The following TMEM232 variants were observed in gnomAD, a reference collection of about 807,000 sequenced individuals.
TMEM232 encodes the protein transmembrane protein 232.
A neutral mutation model predicts 78.8 loss-of-function variants in TMEM232; 80 were observed. That is an observed-to-expected ratio of 1.01 (90% CI 0.85 to 1.22). The LOEUF is 1.22. Ranked by LOEUF, TMEM232 falls within the 50% of genes most tolerant of loss-of-function variation. The pLI is 0.00. For synonymous variants in TMEM232, 297 were observed against 254.3 expected (o/e 1.17, Z -1.60); for missense variants, 881 against 742.2 (o/e 1.19, Z -2.17).
chr5:110,440,714 A>G (rs553678963), intron 12 of TMEM232, among the ~76,000 whole-genome samples: 3 of 152,282 alleles, frequency 2.0e-5, no homozygotes, highest in East Asian at 3.9e-4. Context: ...TTATAATTCT[A>G]TAGTGGATGT....
chr5:110,484,973 A>G (rs1201677784), intron 12 of TMEM232, among the ~76,000 whole-genome samples: 1 of 152,130 alleles, frequency 6.6e-6, no homozygotes, highest in Non-Finnish European at 1.5e-5. Context: ...TAAAAAAAAA[A>G]TTGAAAAACA....
chr5:110,420,812 G>A (rs1430223649), intron 13 of TMEM232, 56 bp from the exon 14 acceptor site: 2 of 1,468,086 alleles, frequency 1.4e-6, no homozygotes, highest in Non-Finnish European at 1.8e-6. Context: ...ATGCATATCA[G>A]TTTAGCTGCT....
At chr5:110,605,625 T>C (rs1396618259) in intron 9 of TMEM232, among the ~76,000 whole-genome samples, 1 of 152,124 alleles carries the variant, frequency 6.6e-6, no homozygotes, top group Non-Finnish European at 1.5e-5. Flanking sequence ...GATACTATTT[T>C]CCATATCATA....
intron 2 of TMEM232, among the ~76,000 whole-genome samples, chr5:110,413,799 G>C (rs1169736977): frequency 1.3e-5 from 2 of 152,186 alleles, no homozygotes; most frequent in Non-Finnish European, 2.9e-5. Flanking sequence ...AAAGGTAAGA[G>C]GGGACTCACT....
chr5:110,533,094 T>C (rs1289168271), intron 11 of TMEM232, among the ~76,000 whole-genome samples: 2 of 152,182 alleles, frequency 1.3e-5, no homozygotes, highest in African/African-American at 4.8e-5. Context: ...ATCTTAAAGA[T>C]GCTTTTTTCA....
At chr5:110,697,028 C>T (rs1466434606) in intron 1 of TMEM232, among the ~76,000 whole-genome samples, 5 of 152,140 alleles carry the variant, frequency 3.3e-5, no homozygotes, top group African/African-American at 4.8e-5. Context: ...GGAGGCATCA[C>T]GCTACCTGAC....
At chr5:110,602,416 C>G (rs1368995052) in intron 10 of TMEM232, among the ~76,000 whole-genome samples, 1 of 151,942 alleles carries the variant, frequency 6.6e-6, no homozygotes, top group Non-Finnish European at 1.5e-5. Context: ...GGTCTAATAT[C>G]CAGAATCTAC....
At chr5:110,694,671 C>T (rs191849599) in intron 1 of TMEM232, among the ~76,000 whole-genome samples, 1 of 151,848 alleles carries the variant, frequency 6.6e-6, no homozygotes, top group African/African-American at 2.4e-5. Context: ...GCTGATAAAA[C>T]AGACTTTAAA....
At chr5:110,643,964 A>C (rs1787099205) in intron 2 of TMEM232, among the ~76,000 whole-genome samples, 1 of 152,034 alleles carries the variant, frequency 6.6e-6, no homozygotes, top group South Asian at 2.1e-4. Flanking sequence ...ATAAGCATTT[A>C]TTAATTCATT....
At chr5:110,627,477 T>C (rs2149947920) in intron 6 of TMEM232, among the ~76,000 whole-genome samples, 1 of 152,172 alleles carries the variant, frequency 6.6e-6, no homozygotes, top group South Asian at 2.1e-4. Flanking sequence ...TAAGGTCTAG[T>C]GATCTATTTC....
At chr5:110,484,472 C>A (rs979270484) in intron 12 of TMEM232, among the ~76,000 whole-genome samples, 1 of 151,900 alleles carries the variant, frequency 6.6e-6, no homozygotes, top group African/African-American at 2.4e-5. Flanking sequence ...ATAAATTCTG[C>A]CTTATCAGTC....
At chr5:110,402,209 C>T (rs1755627352) in intron 2 of TMEM232, among the ~76,000 whole-genome samples, 1 of 152,078 alleles carries the variant, frequency 6.6e-6, no homozygotes, top group African/African-American at 2.4e-5. Flanking sequence ...CTAAACCCAT[C>T]TGGATTTAGG....
In TMEM232 at chr5:110,645,060, T is replaced by TA. The variant is rs901246974; in HGVS notation, c.126-2690dup. 7.7e-4 allele frequency among the ~76,000 whole-genome samples: 115 copies of TA among 148,726 alleles called. 1 individual carries two copies. Among genetic ancestry groups the TA allele is most frequent in the African/African-American group, 2.7e-3 (109 of 40,686 alleles). On this transcript the variant is annotated intron_variant, in intron 2 of 13. Transcript: ENST00000455884. ...GAAATAGAAAGCCTAAACACACCAA[T>TA]AAAAAAAAAGATTAGATTAGTAATG... is the stretch of plus-strand genomic sequence containing the variant.
At chr5:110,492,110 G>T (rs551246678) in intron 12 of TMEM232, among the ~76,000 whole-genome samples, 1 of 151,628 alleles carries the variant, frequency 6.6e-6, no homozygotes, top group Non-Finnish European at 1.5e-5. Context: ...GCTAAATGAC[G>T]AGTTAATGGG....
chr5:110,408,438 A>G (rs1390746141), intron 2 of TMEM232, among the ~76,000 whole-genome samples: 2 of 152,042 alleles, frequency 1.3e-5, no homozygotes, highest in African/African-American at 4.8e-5. Context: ...CTAAAAATAT[A>G]AAAATTAGCT....
At chr5:110,560,758 T>C (rs1379272360) in intron 11 of TMEM232, among the ~76,000 whole-genome samples, 1 of 152,206 alleles carries the variant, frequency 6.6e-6, no homozygotes. Context: ...ATTATACCAA[T>C]GAGACTGGCT....
rs1229673581 is a variant in TMEM232 at position 110,606,274 on chromosome 5, G to A, written c.916C>T (p.Leu306=). 2.0e-6 allele frequency: 3 copies of A among 1,530,832 alleles called. No homozygotes were observed. The highest frequency in any genetic ancestry group is 2.0e-5 in the Admixed American group (1 of 49,782). The allele number at this position is 1,530,832 out of a possible 1,614,324, so 94.8% of individuals were successfully genotyped here. A position where few individuals can be genotyped will look rare whatever the true frequency, so the allele number is the denominator to read the frequency against. The change falls in exon 9 of 14, where the codon CTG becomes TTG. Residue 306 remains leucine, a synonymous_variant. Coordinates refer to ENST00000455884, the MANE Select transcript of TMEM232 (RefSeq NM_001039763.4). ...LQKKCWLDSV[L]ALLVLGEAAK... ...GCCTCCCCAAGGACCAGTAAAGCCAGTACTGAATCCAACCTGAAAATTTTA... is the reference window on the plus strand; with the variant it reads ...GCCTCCCCAAGGACCAGTAAAGCCAATACTGAATCCAACCTGAAAATTTTA...
At chr5:110,738,323 T>C, upstream of TMEM232, 1 of 1,116,886 alleles carries the variant, frequency 9.0e-7, no homozygotes, top group Non-Finnish European at 1.2e-6. Flanking sequence ...ATAACTGGGA[T>C]TTCAATACCC....
At chr5:110,515,154 G>A (rs995063340) in intron 12 of TMEM232, among the ~76,000 whole-genome samples, 22 of 152,162 alleles carry the variant, frequency 1.4e-4, no homozygotes, top group Admixed American at 5.2e-4. Context: ...ATAAATGAAG[G>A]AAATAATCAT....
Sources: gnomAD v4.1 joint callset for allele counts (sites outside exome capture counted in the v4.1 genomes callset) on GRCh38, gnomAD v4.1.1 for gene constraint, MANE v1.5 for transcripts, NCBI Gene and HGNC (gene_info 2026-07-23, HGNC 2026-07-21) for gene names.